Variants in SPON1 observed in about 807,000 individuals in gnomAD.
SPON1 encodes spondin 1.
In SPON1, 52 loss-of-function variants were observed where a neutral mutation model predicts 111.7. The ratio of observed to expected loss-of-function variants is 0.47; its 90% CI spans 0.37 to 0.59. The LOEUF is 0.59. SPON1 is among the 20% of genes least tolerant of loss of function. The pLI, the probability that SPON1 is intolerant of heterozygous loss-of-function variation, is 0.00. For missense variants in SPON1, 957 were observed against 1,068.5 expected (o/e 0.90, Z 1.46); for synonymous variants, 410 against 395.8 (o/e 1.04, Z -0.43).
chr11:13,980,559 ATATTT>A (rs532656378), intron 1 of SPON1, among the ~76,000 whole-genome samples: 178 of 152,080 alleles, frequency 1.2e-3, no homozygotes, highest in African/African-American at 4.1e-3. Context: ...TATTATTATT[ATATTT>A]TAAGTTTTAG....
intron 6 of SPON1, among the ~76,000 whole-genome samples, chr11:14,161,951 C>T (rs549108216): frequency 5.3e-4 from 81 of 151,568 alleles, no homozygotes; most frequent in African/African-American, 1.8e-3. Context: ...GTCAGGAGTT[C>T]GAGACCAGCC....
chr11:14,236,598 T>A (rs536542250), intron 6 of SPON1, among the ~76,000 whole-genome samples: 1 of 152,260 alleles, frequency 6.6e-6, no homozygotes, highest in African/African-American at 2.4e-5. Context: ...GGGGACTAAA[T>A]GAAATCACCA....
At chr11:13,993,620 C>T (rs1008341311) in intron 2 of SPON1, among the ~76,000 whole-genome samples, 7 of 152,158 alleles carry the variant, frequency 4.6e-5, no homozygotes, top group Non-Finnish European at 8.8e-5. Context: ...CTTTCTCTCT[C>T]TCCCCAACTT....
intron 2 of SPON1, among the ~76,000 whole-genome samples, chr11:14,032,241 T>G (rs577300161): frequency 1.3e-5 from 2 of 152,246 alleles, no homozygotes; most frequent in Non-Finnish European, 2.9e-5. Context: ...ATGCACAATC[T>G]AAAATGATAT....
At chr11:13,985,736 A>G (rs1848177454) in intron 2 of SPON1, among the ~76,000 whole-genome samples, 1 of 152,136 alleles carries the variant, frequency 6.6e-6, no homozygotes, top group East Asian at 1.9e-4. Flanking sequence ...CAGATGATGA[A>G]ACTGAGTCCC....
At chr11:14,180,480 C>G (rs1848225713) in intron 6 of SPON1, among the ~76,000 whole-genome samples, 1 of 152,186 alleles carries the variant, frequency 6.6e-6, no homozygotes, top group African/African-American at 2.4e-5. Flanking sequence ...CTTGCAATGC[C>G]CATTCCCCTA....
At chr11:13,993,991 A>ACC (rs1848251961) in intron 2 of SPON1, among the ~76,000 whole-genome samples, 1 of 152,256 alleles carries the variant, frequency 6.6e-6, no homozygotes, top group African/African-American at 2.4e-5. Context: ...GAGCAGATCA[A>ACC]TACCATGCAA....
intron 1 of SPON1, 93 bp downstream of exon 1, chr11:13,963,235 G>A: frequency 2.0e-6 from 2 of 1,001,548 alleles, no homozygotes; most frequent in Non-Finnish European, 1.4e-6. Context: ...CGCGGTCTCC[G>A]GGCGCGTGGC....
chr11:14,168,352 A>C (rs1424707195), intron 6 of SPON1, among the ~76,000 whole-genome samples: 1 of 152,212 alleles, frequency 6.6e-6, no homozygotes, highest in Non-Finnish European at 1.5e-5. Flanking sequence ...TCACGTGAAC[A>C]AAAAGGCATT....
chr11:14,066,944 G>C (rs1052105292), intron 3 of SPON1, among the ~76,000 whole-genome samples: 8 of 152,118 alleles, frequency 5.3e-5, no homozygotes, highest in African/African-American at 1.9e-4. Context: ...GAGGGGCCTA[G>C]GCAAGCGGAT....
chr11:14,062,162 T>C (rs1370427238), intron 3 of SPON1, among the ~76,000 whole-genome samples: 4 of 152,158 alleles, frequency 2.6e-5, no homozygotes, highest in Non-Finnish European at 5.9e-5. Flanking sequence ...CTGACACTTA[T>C]TTTTCCCAAA....
chr11:14,123,851 G>A (rs944631056), intron 5 of SPON1, among the ~76,000 whole-genome samples: 1 of 152,180 alleles, frequency 6.6e-6, no homozygotes, highest in Non-Finnish European at 1.5e-5. Flanking sequence ...GCAAACACGG[G>A]CTCATCTCTT....
intron 5 of SPON1, among the ~76,000 whole-genome samples, chr11:14,082,238 A>G (rs1848968234): frequency 6.6e-6 from 1 of 152,116 alleles, no homozygotes. Flanking sequence ...ACAAATCTAT[A>G]CAGAGTTTCT....
At chr11:14,225,481 A>T (rs1027480544) in intron 6 of SPON1, among the ~76,000 whole-genome samples, 1 of 152,168 alleles carries the variant, frequency 6.6e-6, no homozygotes, top group Non-Finnish European at 1.5e-5. Flanking sequence ...TGTTGATAGG[A>T]TCCAACTTCA....
intron 5 of SPON1, among the ~76,000 whole-genome samples, chr11:14,090,824 G>GCCCCCCCC (rs1176498162): frequency 7.7e-4 from 35 of 45,588 alleles, no homozygotes; most frequent in African/African-American, 1.3e-3. Flanking sequence ...CTCTTATCTG[G>GCCCCCCCC]CCCCCCCCCC....
chr11:14,005,088 A>G (rs1848348937), intron 2 of SPON1, among the ~76,000 whole-genome samples: 2 of 152,072 alleles, frequency 1.3e-5, no homozygotes, highest in South Asian at 4.2e-4. Flanking sequence ...ATGTAGTTCC[A>G]TTTATTTATT....
At chr11:14,014,466 CT>C (rs1324809279) in intron 2 of SPON1, among the ~76,000 whole-genome samples, 1 of 152,146 alleles carries the variant, frequency 6.6e-6, no homozygotes, top group Admixed American at 6.5e-5. Context: ...CAATGGCATC[CT>C]GGATTCAAGG....
At chr11:13,983,173 C>T (rs1170344342) in intron 2 of SPON1, among the ~76,000 whole-genome samples, 1 of 152,256 alleles carries the variant, frequency 6.6e-6, no homozygotes, top group Non-Finnish European at 1.5e-5. Flanking sequence ...CTCAGCAGAT[C>T]ACGGGGCTCT....
At chr11:14,265,439 A>G (rs1849253604) in intron 15 of SPON1, 85 bp from the exon 16 acceptor site, 3 of 1,431,584 alleles carry the variant, frequency 2.1e-6, no homozygotes, top group Non-Finnish European at 2.8e-6. Context: ...AGCCCAGACA[A>G]GCACATTTCA....
Sources: allele counts gnomAD v4.1 joint callset (sites outside exome capture counted in the v4.1 genomes callset), GRCh38; gene constraint gnomAD v4.1.1; transcripts MANE v1.5; gene names NCBI Gene and HGNC (gene_info 2026-07-23, HGNC 2026-07-21).